The following RAPGEF5 variants were observed in gnomAD, a reference collection of about 807,000 sequenced individuals.
The protein encoded by RAPGEF5 is Rap guanine nucleotide exchange factor 5, also known as M-Ras-regulated GEF.
In RAPGEF5, 65 loss-of-function variants were observed where a neutral mutation model predicts 125.2. The observed-to-expected ratio is 0.52, with a 90% CI of 0.43 to 0.64. The LOEUF (loss-of-function observed/expected upper bound fraction) is 0.64, where lower values mean the gene tolerates loss of function less well. Among genes scored for constraint, RAPGEF5 ranks in the 30% least tolerant of loss-of-function variants. The pLI is 0.00. For synonymous variants in RAPGEF5, 391 were observed against 385.9 expected, an observed-to-expected ratio of 1.01 and a Z score of -0.16; for missense variants, 958 against 1,048.1, an observed-to-expected ratio of 0.91 and a Z score of 1.19.
intron 5 of RAPGEF5, among the ~76,000 whole-genome samples, chr7:22,300,108 T>C (rs545114511): frequency 6.6e-6 from 1 of 152,288 alleles, no homozygotes; most frequent in Admixed American, 6.5e-5. Context: ...CCAACATGTG[T>C]TAGACTTTAC....
At chr7:22,304,937 G>A (rs1401497130) in intron 5 of RAPGEF5, among the ~76,000 whole-genome samples, 1 of 152,158 alleles carries the variant, frequency 6.6e-6, no homozygotes, top group Non-Finnish European at 1.5e-5. Flanking sequence ...GCCCTTTATA[G>A]ACAGCAGTGA....
intron 5 of RAPGEF5, among the ~76,000 whole-genome samples, chr7:22,300,995 G>C (rs947110365): frequency 2.6e-5 from 4 of 152,172 alleles, no homozygotes; most frequent in Non-Finnish European, 4.4e-5. Flanking sequence ...CTGCCTTTGA[G>C]GCAACGCTGG....
At chr7:22,300,647 T>C (rs1436276685) in intron 5 of RAPGEF5, among the ~76,000 whole-genome samples, 1 of 152,160 alleles carries the variant, frequency 6.6e-6, no homozygotes, top group Non-Finnish European at 1.5e-5. Flanking sequence ...GTGTAGTTCA[T>C]ACACAAAATT....
chr7:22,290,144 A>G (rs946395860), intron 6 of RAPGEF5, among the ~76,000 whole-genome samples: 1 of 152,250 alleles, frequency 6.6e-6, no homozygotes, highest in African/African-American at 2.4e-5. Context: ...AGCTGTGCCC[A>G]GTTGACAAGA....
chr7:22,140,176 A>G (rs1783211327), intron 20 of RAPGEF5, 61 bp from the exon 21 acceptor site: 1 of 1,461,486 alleles, frequency 6.8e-7, no homozygotes, highest in Middle Eastern at 1.7e-4. Flanking sequence ...AGATAATCAC[A>G]AAAGATAAAG....
At chr7:22,282,113 C>T (rs951310191) in intron 6 of RAPGEF5, among the ~76,000 whole-genome samples, 2 of 152,160 alleles carry the variant, frequency 1.3e-5, no homozygotes. Flanking sequence ...GCCATTCCCC[C>T]CTCTCCAGCG....
chr7:22,182,155 T>G (rs767856588), intron 11 of RAPGEF5, among the ~76,000 whole-genome samples: 1 of 152,132 alleles, frequency 6.6e-6, no homozygotes, highest in Non-Finnish European at 1.5e-5. Context: ...AATGCTAAAT[T>G]TTACTTGAGG....
chr7:22,240,532 C>T (rs972299621), intron 7 of RAPGEF5, among the ~76,000 whole-genome samples: 2 of 151,840 alleles, frequency 1.3e-5, no homozygotes, highest in African/African-American at 2.4e-5. Context: ...CCACCATGCT[C>T]GGCTAATTTT....
In RAPGEF5 at chr7:22,291,899, A is replaced by C. The variant is rs368477440; in HGVS notation, c.681-658T>G. Among the ~76,000 whole-genome samples, 54 of 152,348 alleles carry C rather than the reference A, an allele frequency of 3.5e-4. No individual in the cohort carries two copies. In the South Asian group the frequency reaches 0.011, roughly 31 times the overall value. ...TGGGGAAAACAATCTTTTTAACTTA[A>C]TTCATGAAAAAAGACTTCACCAAAT... is the stretch of plus-strand genomic sequence containing the variant. On this transcript the variant is annotated intron_variant, in intron 5 of 25. Transcript: ENST00000665637.
At chr7:22,177,324 C>G (rs970625663) in intron 11 of RAPGEF5, among the ~76,000 whole-genome samples, 1 of 152,228 alleles carries the variant, frequency 6.6e-6, no homozygotes, top group Non-Finnish European at 1.5e-5. Context: ...CTTGAGTCAC[C>G]TAAGATGTTC....
chr7:22,310,152 A>G (rs541549834), intron 3 of RAPGEF5, 62 bp from the exon 4 acceptor site: 259 of 1,414,748 alleles, frequency 1.8e-4, no homozygotes, highest in Non-Finnish European at 2.3e-4. Context: ...CAAAAAAACA[A>G]AAATGATATA....
chr7:22,160,838 G>A (rs1441582811), intron 13 of RAPGEF5, among the ~76,000 whole-genome samples: 1 of 152,100 alleles, frequency 6.6e-6, no homozygotes, highest in Non-Finnish European at 1.5e-5. Context: ...TGGAAATTCT[G>A]GAAAGAGAAT....
intron 6 of RAPGEF5, among the ~76,000 whole-genome samples, chr7:22,286,730 C>A (rs775977851): frequency 6.6e-5 from 10 of 152,184 alleles, no homozygotes; most frequent in Non-Finnish European, 1.2e-4. Flanking sequence ...ATAAACACTT[C>A]CCCGTATTTA....
chr7:22,252,643 A>G (rs1786653411), intron 7 of RAPGEF5, among the ~76,000 whole-genome samples: 1 of 152,214 alleles, frequency 6.6e-6, no homozygotes, highest in South Asian at 2.1e-4. Context: ...TCATCAGGAG[A>G]AATCTGTGAA....
rs747544454 is a variant in RAPGEF5, at chr7:22,185,982, C to A, written c.1204+7385G>T. On this transcript the variant is annotated intron_variant, in intron 11 of 25. Transcript: ENST00000665637. ...CAATTCTCATGCCTCAGTGCCACCACTTCTGGCTAATTTTTGTATTTTTAG... is the reference window on the plus strand; with the variant it reads ...CAATTCTCATGCCTCAGTGCCACCAATTCTGGCTAATTTTTGTATTTTTAG... Among the ~76,000 whole-genome samples, 3 of 152,190 alleles carry A rather than the reference C, an allele frequency of 2.0e-5. No homozygotes were observed. The South Asian group carries it at 6.2e-4, about 32-fold the overall frequency.
chr7:22,263,656 G>A (rs558214695), intron 7 of RAPGEF5, among the ~76,000 whole-genome samples: 5 of 152,004 alleles, frequency 3.3e-5, no homozygotes, highest in Admixed American at 6.5e-5. Context: ...TTTGAACCTG[G>A]GAGGCAGAGG....
Position 22,154,498 on chromosome 7 carries a change from A to C in RAPGEF5, c.1743T>G (p.Tyr581Ter). 6.2e-7 allele frequency: 1 copy of C among 1,613,880 alleles called. No individual in the cohort carries two copies. The highest frequency in any genetic ancestry group is 1.1e-5 in the South Asian group (1 of 91,068). ...ILKVVAEKIQ[Y>*]AEEDLALVAI... ...CCACCAGAGCCAGATCCTCTTCTGC[A>C]TACTGGATCTTTTCTGCCACGACTT... The change falls in exon 17 of 26, where the codon TAT becomes TAG. Residue 581 changes from tyrosine (Y) to a stop codon, truncating the protein, a stop_gained. Coordinates refer to ENST00000665637, the MANE Select transcript of RAPGEF5 (RefSeq NM_012294.5). LOFTEE classifies it high-confidence loss of function.
At chr7:22,324,193 T>C (rs4722127) in intron 1 of RAPGEF5, among the ~76,000 whole-genome samples, 13,614 of 152,282 alleles carry the variant, frequency 0.089, 1,058 homozygotes, top group East Asian at 0.38. Flanking sequence ...GGCACTTTTA[T>C]GCTGTTTTTG....
chr7:22,203,395 C>A (rs1325793026), intron 9 of RAPGEF5, among the ~76,000 whole-genome samples: 1 of 152,226 alleles, frequency 6.6e-6, no homozygotes, highest in Non-Finnish European at 1.5e-5. Context: ...ATTTTTAACA[C>A]AGAATGTCAA....
Sources: allele counts gnomAD v4.1 joint callset (sites outside exome capture counted in the v4.1 genomes callset), GRCh38; gene constraint gnomAD v4.1.1; transcripts MANE v1.5; gene names NCBI Gene and HGNC (gene_info 2026-07-23, HGNC 2026-07-21).